Variants in TXLNG observed in about 807,000 individuals in gnomAD.
The protein encoded by TXLNG is gamma-taxilin.
Under a neutral mutation model 38.8 loss-of-function variants are expected in TXLNG, and 5 were observed. The observed-to-expected ratio is 0.13, with a 90% confidence interval of 0.07 to 0.27. The LOEUF (loss-of-function observed/expected upper bound fraction) is 0.27. Among genes scored for constraint, TXLNG ranks in the 10% least tolerant of loss-of-function variants. TXLNG has a pLI of 1.00. For missense variants in TXLNG, 393 were observed against 398.2 expected (o/e 0.99, Z 0.11); for synonymous variants, 182 against 158.2 (o/e 1.15, Z -1.13).
At chrX:16,839,773 G>T (rs749469035) in intron 8 of TXLNG, 48 bp from the exon 9 acceptor site, 1 of 966,830 alleles carries the variant, frequency 1.0e-6, no homozygotes, top group South Asian at 2.4e-5. Context: ...ACAGGGAGTA[G>T]AGATAAGGAA....
chrX:16,812,551 G>A (rs1171285868), intron 1 of TXLNG, among the ~76,000 whole-genome samples: 5 of 106,880 alleles, frequency 4.7e-5, no homozygotes, highest in African/African-American at 1.7e-4. Context: ...GTGCCATCAT[G>A]CCCGGCTAAT....
At chrX:16,833,466 C>T (rs763032441) in intron 6 of TXLNG, among the ~76,000 whole-genome samples, 5 of 112,049 alleles carry the variant, frequency 4.5e-5, no homozygotes, top group Non-Finnish European at 9.4e-5. Flanking sequence ...GATTCAGTTC[C>T]TGAGTGGCCC....
intron 5 of TXLNG, among the ~76,000 whole-genome samples, chrX:16,830,328 A>G (rs756899914): frequency 1.3e-4 from 14 of 108,327 alleles, no homozygotes; most frequent in Admixed American, 6.9e-4. Flanking sequence ...TTGGCCTTCA[A>G]TGAAGACTTT....
chrX:16,812,935 A>T (rs1913456283), intron 1 of TXLNG, among the ~76,000 whole-genome samples: 1 of 109,026 alleles, frequency 9.2e-6, no homozygotes, highest in South Asian at 4.0e-4. Flanking sequence ...TCCTGACCTC[A>T]GGTGATCTGC....
At chrX:16,825,510 G>C (rs1051845909) in intron 3 of TXLNG, among the ~76,000 whole-genome samples, 2 of 112,128 alleles carry the variant, frequency 1.8e-5, no homozygotes, top group African/African-American at 6.5e-5. Context: ...AAAGAGTTTT[G>C]TGTGTATGTG....
At position 16,841,666 on chromosome X, in the gene TXLNG, C is replaced by T. The variant is rs1929837428; in HGVS notation, c.1487C>T (p.Ala496Val). The T allele has an allele frequency of 2.5e-6, 3 of 1,211,819 alleles. No homozygotes were observed. In the South Asian group the frequency reaches 5.3e-5, roughly 21 times the overall value. ...GAGCTGAACACTTCCTCGAAAAGAGCCCTGGGAGCGCACCTGGAGGCTGAG... is the reference window on the plus strand; with the variant it reads ...GAGCTGAACACTTCCTCGAAAAGAGTCCTGGGAGCGCACCTGGAGGCTGAG... The part of the protein sequence containing the change: ...HKELNTSSKR[A>V]LGAHLEAEPK... Residue 496 changes from alanine to valine, a missense_variant, in exon 10 of 10, where the codon GCC (alanine) becomes GTC (valine). Ala to Val is a moderately conservative substitution (Grantham distance 64). Coordinates refer to ENST00000380122, the MANE Select transcript of TXLNG (RefSeq NM_018360.3).
Position 16,818,880 on chromosome X carries a change from A to G in TXLNG, c.406+3A>G. The G allele has an allele frequency of 8.4e-7, 1 of 1,193,454 alleles. No individual in the cohort carries two copies. Among genetic ancestry groups the G allele is most frequent in the Non-Finnish European group, 1.1e-6 (1 of 886,609 alleles). On this transcript the variant is annotated splice_donor_region_variant and intron_variant, in intron 2 of 9. Coordinates refer to ENST00000380122, the MANE Select transcript of TXLNG (RefSeq NM_018360.3). Reference sequence around the variant, plus strand: ...CAGGAACAAAGAAAAAACTTTAGGTAATAATCCGTTCAGTGGTTGGACGTT... The same window carrying G: ...CAGGAACAAAGAAAAAACTTTAGGTGATAATCCGTTCAGTGGTTGGACGTT...
chrX:16,801,040 G>A (rs898951886), intron 1 of TXLNG, among the ~76,000 whole-genome samples: 2 of 112,427 alleles, frequency 1.8e-5, no homozygotes, highest in African/African-American at 6.5e-5. Flanking sequence ...TGTGTGGCAC[G>A]CCTGCTCCTG....
chrX:16,801,178 G>A lies in TXLNG; in HGVS notation c.102+14589G>A, dbSNP rs571335074. Among the ~76,000 whole-genome samples, 180 of 111,159 alleles carry A rather than the reference G, an allele frequency of 1.6e-3. 3 individuals are homozygous for A. The South Asian group carries it at 0.063, about 39-fold the overall frequency. On this transcript the variant is annotated intron_variant, in intron 1 of 9. Coordinates refer to ENST00000380122, the MANE Select transcript of TXLNG (RefSeq NM_018360.3). ...CTTTTCTTATAAATTACCCAGTCTC[G>A]GGCATTCTTTTTTTGTTTGTTTTTT...
chrX:16,814,949 A>G (rs374445534), intron 1 of TXLNG, among the ~76,000 whole-genome samples: 84 of 112,201 alleles, frequency 7.5e-4, no homozygotes, highest in African/African-American at 2.7e-3. Context: ...CTGAAAAACT[A>G]CAAATGAACC....
chrX:16,832,957 T>C (rs1211396085), intron 6 of TXLNG, among the ~76,000 whole-genome samples: 1 of 112,275 alleles, frequency 8.9e-6, no homozygotes, highest in Non-Finnish European at 1.9e-5. Flanking sequence ...TATTTCTATT[T>C]AACCTTTTAT....
Position 16,837,595 on chromosome X carries a change from T to C in TXLNG, c.1062T>C (p.Leu354=). ...GTTTCATACTTTTTTTCCTATAGCT[T>C]TCTCTTTATATGGATAAGTTTGAAG... ...KQQEVQLKQQ[L]SLYMDKFEEF... is the part of the protein sequence containing the mutation. Residue 354 remains leucine, a splice_region_variant and synonymous_variant, in exon 8 of 10, where the codon CTT becomes CTC. Transcript: ENST00000380122. The C allele has an allele frequency of 8.4e-7, 1 of 1,193,699 alleles. No homozygotes were observed. Among genetic ancestry groups the C allele is most frequent in the Non-Finnish European group, 1.1e-6 (1 of 884,836 alleles).
chrX:16,820,161 C>A lies in TXLNG; in HGVS notation c.407-3C>A. Reference sequence around the variant, plus strand: ...ACTTATTTCTTTTCTTGTTAACCATCAGGAAAAGAAGTTTTATTACTGATG... The same window carrying A: ...ACTTATTTCTTTTCTTGTTAACCATAAGGAAAAGAAGTTTTATTACTGATG... On this transcript the variant is annotated splice_polypyrimidine_tract_variant and splice_region_variant and intron_variant, in intron 2 of 9. Coordinates refer to ENST00000380122, the MANE Select transcript of TXLNG (RefSeq NM_018360.3). 8.4e-7 allele frequency: 1 copy of A among 1,196,852 alleles called. No homozygotes were observed. Among genetic ancestry groups the A allele is most frequent in the Non-Finnish European group, 1.1e-6 (1 of 886,556 alleles).
chrX:16,787,134 C>T (rs1465764981), intron 1 of TXLNG, among the ~76,000 whole-genome samples: 3 of 112,349 alleles, frequency 2.7e-5, no homozygotes, highest in African/African-American at 9.7e-5. Flanking sequence ...GGCCCCCCTT[C>T]CCCCGCCCCC....
In TXLNG at chrX:16,786,500, G is replaced by T. The variant is rs977386355; in HGVS notation, c.13G>T (p.Val5Leu). The T allele has an allele frequency of 3.1e-5, 35 of 1,114,818 alleles. 1 individual carries two copies. Among genetic ancestry groups the T allele is most frequent in the Non-Finnish European group, 3.4e-5 (29 of 850,218 alleles). 91.9% of individuals were successfully genotyped at this position (1,114,818 alleles called of 1,213,427 possible). A position where few individuals can be genotyped will look rare whatever the true frequency, so the allele number is the denominator to read the frequency against. ...CTGCCGTCACCTCATGGCGACGCGGGTAGAGGAGGCAGCGCGGGGAAGAGG... is the reference window on the plus strand; with the variant it reads ...CTGCCGTCACCTCATGGCGACGCGGTTAGAGGAGGCAGCGCGGGGAAGAGG... MATR[V>L]EEAARGRGGG... Residue 5 changes from valine to leucine, a missense_variant, in exon 1 of 10, where the codon GTA becomes TTA. By Grantham distance (32) the Val-to-Leu change is conservative (BLOSUM62 1). Transcript: ENST00000380122.
intron 1 of TXLNG, among the ~76,000 whole-genome samples, chrX:16,812,329 T>A (rs1323549183): frequency 9.1e-6 from 1 of 109,413 alleles, no homozygotes; most frequent in Non-Finnish European, 1.9e-5. Flanking sequence ...ATACTTTTAA[T>A]CTGAAAACAA....
intron 1 of TXLNG, among the ~76,000 whole-genome samples, chrX:16,796,817 A>G (rs763536871): frequency 9.0e-6 from 1 of 110,693 alleles, no homozygotes; most frequent in East Asian, 2.8e-4. Context: ...TAGTCTCTCT[A>G]TTCCTGCTCC....
intron 1 of TXLNG, among the ~76,000 whole-genome samples, chrX:16,799,583 C>T (rs1012906898): frequency 1.6e-4 from 18 of 110,202 alleles, no homozygotes; most frequent in Non-Finnish European, 3.0e-4. Flanking sequence ...CCAGCCTGGC[C>T]AACATGGTGA....
At chrX:16,792,783 A>AAAT (rs1281603241) in intron 1 of TXLNG, among the ~76,000 whole-genome samples, 1 of 107,482 alleles carries the variant, frequency 9.3e-6, no homozygotes, top group Non-Finnish European at 1.9e-5. Flanking sequence ...TGTCTCTAAA[A>AAAT]AATAATAATA....
Sources: allele counts gnomAD v4.1 joint callset (sites outside exome capture counted in the v4.1 genomes callset), GRCh38; gene constraint gnomAD v4.1.1; transcripts MANE v1.5; gene names NCBI Gene and HGNC (gene_info 2026-07-23, HGNC 2026-07-21).